Variants in MID1 observed in about 807,000 individuals in gnomAD.
MID1 encodes the protein midline 1.
A neutral mutation model predicts 40.4 loss-of-function variants in MID1; 7 were observed. The ratio of observed to expected loss-of-function variants is 0.17; its 90% CI spans 0.10 to 0.33. The LOEUF (loss-of-function observed/expected upper bound fraction) is 0.33, where lower values mean the gene tolerates loss of function less well. Among genes scored for constraint, MID1 ranks in the 10% least tolerant of loss-of-function variants. The pLI is 1.00. For missense variants in MID1, 367 were observed against 558.5 expected, an observed-to-expected ratio of 0.66 and a Z score of 3.46; for synonymous variants, 229 against 221.2, an observed-to-expected ratio of 1.04 and a Z score of -0.31.
At chrX:10,672,313 A>G (rs12396299) in intron 1 of MID1, among the ~76,000 whole-genome samples, 10,195 of 111,375 alleles carry the variant, frequency 0.092, 743 homozygotes, top group African/African-American at 0.25. Flanking sequence ...AAACTTTTGT[A>G]TGTGTTATGT....
At chrX:10,661,586 TACAGGCATGAGCC>T (rs1358053732) in intron 1 of MID1, among the ~76,000 whole-genome samples, 1 of 111,150 alleles carries the variant, frequency 9.0e-6, no homozygotes, top group Non-Finnish European at 1.9e-5. Context: ...GTGCTGGGAT[TACAGGCATGAGCC>T]ACCGCACCCG....
Position 10,580,046 on chromosome X carries a change from G to A in MID1, c.-56-12443C>T, listed in dbSNP as rs144325480. Among the ~76,000 whole-genome samples, 670 of 110,752 alleles carry A rather than the reference G, an allele frequency of 6.0e-3. 3 individuals carry two copies. The highest frequency in any genetic ancestry group is 9.1e-3 in the Non-Finnish European group (483 of 52,889). On this transcript the variant is annotated intron_variant, in intron 1 of 9. Transcript: ENST00000317552. The stretch of plus-strand genomic sequence containing the variant: ...AGATTTACATGCTAATGGATGAACT[G>A]TAGTTTCTCCAGGTGGCACAGATCT...
chrX:10,593,924 G>C (rs1436094322), intron 1 of MID1, among the ~76,000 whole-genome samples: 2 of 111,237 alleles, frequency 1.8e-5, no homozygotes, highest in Non-Finnish European at 1.9e-5. Context: ...TGAGCACACA[G>C]TAGGGTTTTC....
At chrX:10,817,570 TTCTC>T (rs1301478363) in intron 1 of MID1, among the ~76,000 whole-genome samples, 19 of 88,314 alleles carry the variant, frequency 2.2e-4, no homozygotes, top group African/African-American at 8.2e-4. Context: ...CTTTCTTTCT[TTCTC>T]TCTTTCTTTC....
intron 1 of MID1, among the ~76,000 whole-genome samples, chrX:10,716,652 T>A (rs1267913736): frequency 3.6e-5 from 4 of 111,541 alleles, no homozygotes; most frequent in African/African-American, 1.3e-4. Flanking sequence ...TTCCCCAATC[T>A]AGCAAGGCAG....
intron 1 of MID1, among the ~76,000 whole-genome samples, chrX:10,806,593 C>T (rs892718981): frequency 8.9e-6 from 1 of 112,107 alleles, no homozygotes; most frequent in Non-Finnish European, 1.9e-5. Flanking sequence ...TCTGATGTTA[C>T]TATATTTTAA....
At chrX:10,799,620 A>G (rs1020484648) in intron 1 of MID1, among the ~76,000 whole-genome samples, 3 of 111,994 alleles carry the variant, frequency 2.7e-5, no homozygotes, top group African/African-American at 9.7e-5. Context: ...ACAACTTAAC[A>G]TATTTCTAGA....
At chrX:10,568,547 A>G (rs1934635868) in intron 1 of MID1, among the ~76,000 whole-genome samples, 1 of 111,255 alleles carries the variant, frequency 9.0e-6, no homozygotes, top group South Asian at 3.9e-4. Flanking sequence ...CTTTTGGCCA[A>G]AAAACTCCCA....
chrX:10,762,866 T>A (rs894245544), intron 1 of MID1, among the ~76,000 whole-genome samples: 1 of 112,102 alleles, frequency 8.9e-6, no homozygotes, highest in Non-Finnish European at 1.9e-5. Context: ...AGTGAGATGC[T>A]TCCTAATTTA....
At chrX:10,680,151 T>C (rs1233764850) in intron 1 of MID1, among the ~76,000 whole-genome samples, 1 of 112,338 alleles carries the variant, frequency 8.9e-6, no homozygotes, top group Non-Finnish European at 1.9e-5. Context: ...TCTGCTCATC[T>C]GACAACACTG....
chrX:10,827,729 T>C (rs930886652), intron 1 of MID1, among the ~76,000 whole-genome samples: 1 of 111,573 alleles, frequency 9.0e-6, no homozygotes, highest in African/African-American at 3.3e-5. Context: ...GGAAAGAATA[T>C]AGTCTTGATC....
chrX:10,736,259 G>A (rs958542318), intron 1 of MID1, among the ~76,000 whole-genome samples: 1 of 111,930 alleles, frequency 8.9e-6, no homozygotes, highest in African/African-American at 3.3e-5. Flanking sequence ...GATTACAGGA[G>A]TGAGTAAAAT....
intron 1 of MID1, among the ~76,000 whole-genome samples, chrX:10,733,879 T>A (rs12011411): frequency 0.1 from 11,400 of 111,882 alleles, 1,411 homozygotes; most frequent in African/African-American, 0.35. Context: ...AGATTGGAAA[T>A]TGGTTTTGTA....
intron 1 of MID1, among the ~76,000 whole-genome samples, chrX:10,785,372 A>G (rs1333151199): frequency 1.8e-5 from 2 of 111,157 alleles, no homozygotes; most frequent in Non-Finnish European, 3.8e-5. Flanking sequence ...AATCAATATC[A>G]TGAAAATGGT....
intron 1 of MID1, among the ~76,000 whole-genome samples, chrX:10,604,780 A>G: frequency 8.9e-6 from 1 of 112,424 alleles, no homozygotes. Flanking sequence ...CCAAGGTTAC[A>G]TTTTAAAATT....
At chrX:10,508,813 T>C (rs1053300127) in intron 3 of MID1, among the ~76,000 whole-genome samples, 1 of 112,054 alleles carries the variant, frequency 8.9e-6, no homozygotes, top group Non-Finnish European at 1.9e-5. Context: ...GCCAGTTATA[T>C]CTTACTGCCC....
rs184300231 is a variant in MID1 at position 10,543,920 on chromosome X, C to T, written c.661-20733G>A. 6.1e-3 allele frequency among the ~76,000 whole-genome samples: 677 copies of T among 110,802 alleles called. 6 individuals carry two copies. Among genetic ancestry groups the T allele is most frequent in the African/African-American group, 0.021 (637 of 30,449 alleles). On this transcript the variant is annotated intron_variant, in intron 2 of 9. Coordinates refer to ENST00000317552, the MANE Select transcript of MID1 (RefSeq NM_000381.4). ...ACTAGGGAGGCTGAGGCAGGAGAAT[C>T]GCTTGAACCCAGGAGGTGGAGGTTG... is the stretch of plus-strand genomic sequence containing the variant.
At chrX:10,698,348 TAA>T (rs1210739269) in intron 1 of MID1, among the ~76,000 whole-genome samples, 1 of 112,376 alleles carries the variant, frequency 8.9e-6, no homozygotes, top group Admixed American at 9.4e-5. Context: ...CCTTAGTTTT[TAA>T]AAAACGGATC....
intron 1 of MID1, among the ~76,000 whole-genome samples, chrX:10,644,450 C>T (rs775775147): frequency 9.1e-6 from 1 of 110,404 alleles, no homozygotes; most frequent in African/African-American, 3.3e-5. Context: ...TTTATTGGTT[C>T]CCACCACGAC....
Sources: allele counts gnomAD v4.1 joint callset (sites outside exome capture counted in the v4.1 genomes callset), GRCh38; gene constraint gnomAD v4.1.1; transcripts MANE v1.5; gene names NCBI Gene and HGNC (gene_info 2026-07-23, HGNC 2026-07-21).